Variants in NTM observed in about 807,000 individuals in gnomAD.
The protein encoded by NTM is neurotrimin.
NTM carries 13 observed loss-of-function variants against 42.1 expected under a neutral mutation model. The observed-to-expected ratio is 0.31, with a 90% CI of 0.20 to 0.49. The LOEUF is 0.49. Ranked by LOEUF, NTM falls within the 20% of genes least tolerant of loss-of-function variation. The pLI is 0.99. For missense variants in NTM, 373 were observed against 452.8 expected, an observed-to-expected ratio of 0.82 and a Z score of 1.60; for synonymous variants, 187 against 179.2, an observed-to-expected ratio of 1.04 and a Z score of -0.35.
intron 1 of NTM, among the ~76,000 whole-genome samples, chr11:131,438,554 T>A (rs1167506702): frequency 1.3e-5 from 2 of 152,224 alleles, no homozygotes; most frequent in Admixed American, 1.3e-4. Flanking sequence ...CCGATACCCT[T>A]TCTTCCACTT....
intron 1 of NTM, among the ~76,000 whole-genome samples, chr11:131,463,377 C>T (rs1354029500): frequency 6.6e-6 from 1 of 152,170 alleles, no homozygotes; most frequent in Non-Finnish European, 1.5e-5. Flanking sequence ...CCCAGCTCTG[C>T]CCCCCAGTGC....
rs541345016 is a variant in NTM, at chr11:131,918,834, A to T, written c.167+7186A>T. Among the ~76,000 whole-genome samples the T allele has an allele frequency of 5.3e-5, 8 of 152,322 alleles. 1 individual carries two copies. In the South Asian group the frequency reaches 1.7e-3, roughly 32 times the overall value. On this transcript the variant is annotated intron_variant, in intron 2 of 8. Transcript: ENST00000683400. ...AGACACAGGGACCCAACCGACCTCT[A>T]GAGGTCCCTTCTACTCACAGAATCC... is the stretch of plus-strand genomic sequence containing the variant.
At chr11:131,887,136 G>C (rs2050537295) in intron 1 of NTM, among the ~76,000 whole-genome samples, 1 of 152,190 alleles carries the variant, frequency 6.6e-6, no homozygotes, top group Non-Finnish European at 1.5e-5. Context: ...TAGATTGTAA[G>C]TATTTTTGTC....
At chr11:131,753,727 C>T (rs2082893386) in intron 1 of NTM, among the ~76,000 whole-genome samples, 1 of 151,006 alleles carries the variant, frequency 6.6e-6, no homozygotes, top group Admixed American at 6.6e-5. Context: ...GAACATCACA[C>T]TCTGGGGACT....
At chr11:131,907,744 T>C (rs1386213038) in intron 1 of NTM, among the ~76,000 whole-genome samples, 1 of 152,122 alleles carries the variant, frequency 6.6e-6, no homozygotes, top group Non-Finnish European at 1.5e-5. Context: ...AATAATGAAA[T>C]TGCTTTGAAT....
At chr11:131,637,974 C>A (rs959970852) in intron 1 of NTM, among the ~76,000 whole-genome samples, 4 of 152,086 alleles carry the variant, frequency 2.6e-5, no homozygotes, top group African/African-American at 9.7e-5. Flanking sequence ...AGCAAAATAT[C>A]CTCCATAGCC....
chr11:131,980,668 AC>A (rs1308016363), intron 2 of NTM, among the ~76,000 whole-genome samples: 1 of 152,210 alleles, frequency 6.6e-6, no homozygotes, highest in Non-Finnish European at 1.5e-5. Context: ...TTTATTGAGC[AC>A]ATACAGTGTG....
intron 3 of NTM, among the ~76,000 whole-genome samples, chr11:132,196,364 C>T (rs999541443): frequency 6.6e-6 from 1 of 152,144 alleles, no homozygotes; most frequent in African/African-American, 2.4e-5. Flanking sequence ...TAAATTAGTT[C>T]AGCCACTGTG....
intron 1 of NTM, among the ~76,000 whole-genome samples, chr11:131,691,607 T>C (rs568985224): frequency 2.2e-3 from 325 of 151,056 alleles, no homozygotes; most frequent in African/African-American, 7.5e-3. Flanking sequence ...CTCTCCTCCT[T>C]CTCTTCCATG....
intron 1 of NTM, among the ~76,000 whole-genome samples, chr11:131,789,547 A>AG (rs1378585224): frequency 0.012 from 61 of 5,112 alleles, 17 homozygotes; most frequent in Admixed American, 0.018. Flanking sequence ...AAGAAGAAGA[A>AG]AAGAAGAAGA....
chr11:131,457,727 C>G (rs550552874), intron 1 of NTM, among the ~76,000 whole-genome samples: 72 of 152,176 alleles, frequency 4.7e-4, no homozygotes, highest in South Asian at 1.0e-3. Context: ...GTCCTCCCCC[C>G]CCAAATTTAT....
intron 7 of NTM, among the ~76,000 whole-genome samples, chr11:132,320,778 C>A (rs546050683): frequency 1.6e-4 from 25 of 151,810 alleles, no homozygotes; most frequent in East Asian, 5.9e-4. Flanking sequence ...ATGTCCCTGT[C>A]TGACAGCTTT....
intron 2 of NTM, among the ~76,000 whole-genome samples, chr11:132,086,794 T>G (rs537466837): frequency 1.7e-3 from 254 of 152,300 alleles, no homozygotes; most frequent in African/African-American, 6.0e-3. Context: ...CTTTTGTCAG[T>G]GTGTCAGGCT....
At chr11:132,239,564 A>G (rs766180288) in intron 4 of NTM, among the ~76,000 whole-genome samples, 29 of 152,340 alleles carry the variant, frequency 1.9e-4, no homozygotes, top group Admixed American at 4.6e-4. Context: ...AGAGACAGAA[A>G]AAAAGTCTTT....
chr11:131,833,563 C>T (rs759476876), intron 1 of NTM, among the ~76,000 whole-genome samples: 11 of 152,206 alleles, frequency 7.2e-5, no homozygotes, highest in Admixed American at 6.5e-5. Flanking sequence ...ATCTGTAGCT[C>T]ACACATGAGT....
At chr11:132,267,864 C>A (rs1208455058) in intron 4 of NTM, among the ~76,000 whole-genome samples, 2 of 151,156 alleles carry the variant, frequency 1.3e-5, no homozygotes, top group African/African-American at 4.9e-5. Context: ...ACAAAAAAAA[C>A]CCAGAAACCT....
intron 2 of NTM, among the ~76,000 whole-genome samples, chr11:132,090,078 C>T (rs1172180056): frequency 1.3e-5 from 2 of 151,966 alleles, no homozygotes; most frequent in South Asian, 2.1e-4. Flanking sequence ...TATTATTATC[C>T]CCATTCACAG....
rs2095869349 is a variant in NTM at position 132,335,965 on chromosome 11, C to G, written c.*819C>G. ...CAACTGGTGGACCACACACCAGGCA[C>G]TAATCACCTGGTGAGGATTTGGCAT... On this transcript the variant is annotated 3_prime_UTR_variant, in exon 9 of 9. Coordinates refer to ENST00000683400, the MANE Select transcript of NTM (RefSeq NM_001352005.2). The G allele has an allele frequency of 1.3e-5, 2 of 152,594 alleles. No individual in the cohort carries two copies. Among genetic ancestry groups the G allele is most frequent in the South Asian group, 4.1e-4 (2 of 4,822 alleles). 9.5% of individuals were successfully genotyped at this position (152,594 alleles called of 1,614,324 possible). A position where few individuals can be genotyped will look rare whatever the true frequency, so the allele number is the denominator to read the frequency against.
chr11:131,466,223 G>A (rs1205743896), intron 1 of NTM, among the ~76,000 whole-genome samples: 2 of 152,156 alleles, frequency 1.3e-5, no homozygotes, highest in East Asian at 1.9e-4. Flanking sequence ...AAGAGGAGTG[G>A]GAAGACGGAG....
Sources: gnomAD v4.1 joint callset for allele counts (sites outside exome capture counted in the v4.1 genomes callset) on GRCh38, gnomAD v4.1.1 for gene constraint, MANE v1.5 for transcripts, NCBI Gene and HGNC (gene_info 2026-07-23, HGNC 2026-07-21) for gene names.